The following DIAPH3 variants were observed in gnomAD, a reference collection of about 807,000 sequenced individuals.
DIAPH3 encodes diaphanous related formin 3.
A neutral mutation model predicts 144.3 loss-of-function variants in DIAPH3; 117 were observed. The observed-to-expected ratio is 0.81, with a 90% CI of 0.70 to 0.95. The LOEUF is 0.95. Among genes scored for constraint, DIAPH3 ranks in the 40% least tolerant of loss-of-function variants. The probability of loss-of-function intolerance (pLI) is 0.00; values close to 1 mark genes in which losing one functional copy is unlikely to be tolerated. For missense variants in DIAPH3, 1,421 were observed against 1,412.7 expected, an observed-to-expected ratio of 1.01 and a Z score of -0.09; for synonymous variants, 519 against 488.9, an observed-to-expected ratio of 1.06 and a Z score of -0.81.
At chr13:60,163,275 C>T (rs911828222) in intron 1 of DIAPH3, among the ~76,000 whole-genome samples, 2 of 152,254 alleles carry the variant, frequency 1.3e-5, no homozygotes, top group South Asian at 2.1e-4. Flanking sequence ...ATATCTTATA[C>T]CCTCTTACAC....
Position 59,839,447 on chromosome 13 carries a change from G to A in DIAPH3, c.2739C>T (p.Val913=). The change falls in exon 23 of 28, where the codon GTC becomes GTT. Residue 913 remains valine (V), a splice_region_variant and synonymous_variant. Coordinates refer to ENST00000400324, the MANE Select transcript of DIAPH3 (RefSeq NM_001042517.2). ...AATTCTTTTCCAGCGTTTCTACAGA[G>A]ACTAAAAGAGAGTATATTAAATGCC... is the stretch of plus-strand genomic sequence containing the variant. ...DLEPLDKASK[V]SVETLEKNLR... is the part of the protein sequence containing the mutation. 6.2e-7 allele frequency: 1 copy of A among 1,612,674 alleles called. No homozygotes were observed. Among genetic ancestry groups the A allele is most frequent in the Non-Finnish European group, 8.5e-7 (1 of 1,179,408 alleles).
At chr13:59,859,651 C>T (rs989626149) in intron 22 of DIAPH3, among the ~76,000 whole-genome samples, 1 of 152,078 alleles carries the variant, frequency 6.6e-6, no homozygotes, top group African/African-American at 2.4e-5. Flanking sequence ...GATTAATGTC[C>T]ATCAAGAATA....
At chr13:59,853,400 A>T (rs1429425226) in intron 22 of DIAPH3, among the ~76,000 whole-genome samples, 1 of 152,152 alleles carries the variant, frequency 6.6e-6, no homozygotes, top group East Asian at 1.9e-4. Flanking sequence ...GGGCACTGAT[A>T]GGAGGTGATT....
chr13:60,007,708 CT>C (rs1290522374), intron 9 of DIAPH3, among the ~76,000 whole-genome samples: 12 of 152,072 alleles, frequency 7.9e-5, no homozygotes, highest in Non-Finnish European at 1.8e-4. Flanking sequence ...ATAAAAGCCT[CT>C]TTTCCTTTTT....
At chr13:60,088,682 C>G (rs909476923) in intron 4 of DIAPH3, among the ~76,000 whole-genome samples, 1 of 152,172 alleles carries the variant, frequency 6.6e-6, no homozygotes, top group African/African-American at 2.4e-5. Flanking sequence ...ACTGCAGTGG[C>G]ATGATCTCAG....
chr13:60,082,842 G>A, intron 4 of DIAPH3, among the ~76,000 whole-genome samples: 1 of 152,062 alleles, frequency 6.6e-6, no homozygotes, highest in Non-Finnish European at 1.5e-5. Flanking sequence ...AAGGAAGAGT[G>A]TGAAATGTAA....
chr13:60,136,110 T>A (rs899512721), intron 1 of DIAPH3, among the ~76,000 whole-genome samples: 2 of 152,176 alleles, frequency 1.3e-5, no homozygotes, highest in Admixed American at 1.3e-4. Context: ...AATGACTAAC[T>A]AAATCCTCAG....
intron 20 of DIAPH3, among the ~76,000 whole-genome samples, chr13:59,898,134 C>CA (rs34238599): frequency 0.044 from 3,186 of 72,204 alleles, 174 homozygotes; most frequent in East Asian, 0.063. Flanking sequence ...GACTCTGCCT[C>CA]AAAAAAAAAA....
At chr13:59,872,711 A>T (rs1009615933) in intron 21 of DIAPH3, among the ~76,000 whole-genome samples, 1 of 152,244 alleles carries the variant, frequency 6.6e-6, no homozygotes, top group African/African-American at 2.4e-5. Context: ...AAAATATATA[A>T]AAGTGAAGTC....
chr13:59,850,979 C>A (rs369422921), intron 22 of DIAPH3, among the ~76,000 whole-genome samples: 2 of 147,668 alleles, frequency 1.4e-5, no homozygotes, highest in East Asian at 3.9e-4. Context: ...CCTTCTGAAA[C>A]TATTCCAATC....
At chr13:59,878,105 A>G (rs1381840193) in intron 21 of DIAPH3, among the ~76,000 whole-genome samples, 1 of 152,092 alleles carries the variant, frequency 6.6e-6, no homozygotes, top group African/African-American at 2.4e-5. Context: ...CACATACATT[A>G]AAGATAGAAT....
At chr13:59,743,119 T>C (rs113623864) in intron 27 of DIAPH3, among the ~76,000 whole-genome samples, 246 of 152,292 alleles carry the variant, frequency 1.6e-3, no homozygotes, top group African/African-American at 5.7e-3. Flanking sequence ...TCTAAACTAC[T>C]GGAACTTACA....
chr13:59,775,358 T>C (rs1212231728), intron 25 of DIAPH3, among the ~76,000 whole-genome samples: 2 of 152,114 alleles, frequency 1.3e-5, no homozygotes. Context: ...TCCTCCTGCC[T>C]CAGCCTCCCG....
intron 1 of DIAPH3, among the ~76,000 whole-genome samples, chr13:60,142,183 C>T (rs2059439248): frequency 6.6e-6 from 1 of 152,158 alleles, no homozygotes; most frequent in Non-Finnish European, 1.5e-5. Context: ...AAATAACCAA[C>T]TTACACAGTA....
Position 59,774,775 on chromosome 13 carries a change from G to A in DIAPH3, c.3212C>T (p.Ser1071Phe). Residue 1071 changes from serine to phenylalanine, a missense_variant, in exon 26 of 28, where the codon TCC (serine) becomes TTC (phenylalanine). By Grantham distance (155) the Ser-to-Phe change is radical (BLOSUM62 -2). Transcript: ENST00000400324. ...TCTTCTGTCGCGGAAGGCAGCCCCG[G>A]ACTGCAAGGCCTCCAGCAGATTATC... is the stretch of plus-strand genomic sequence containing the variant. ...VMDNLLEALQ[S>F]GAAFRDRRKR... 3.7e-6 allele frequency: 6 copies of A among 1,614,146 alleles called. No individual in the cohort carries two copies. The highest frequency in any genetic ancestry group is 5.1e-6 in the Non-Finnish European group (6 of 1,180,040).
chr13:59,704,659 C>T (rs2034314258), intron 27 of DIAPH3, among the ~76,000 whole-genome samples: 1 of 151,530 alleles, frequency 6.6e-6, no homozygotes, highest in African/African-American at 2.4e-5. Context: ...CAAATACTTA[C>T]CATTGTGTTA....
chr13:60,048,179 C>A (rs2056174936), intron 4 of DIAPH3, among the ~76,000 whole-genome samples: 1 of 152,270 alleles, frequency 6.6e-6, no homozygotes, highest in South Asian at 2.1e-4. Context: ...CAAAACCTCG[C>A]CTCTCCAGGC....
At chr13:60,108,782 C>T (rs1020972350) in intron 3 of DIAPH3, among the ~76,000 whole-genome samples, 6 of 152,052 alleles carry the variant, frequency 3.9e-5, no homozygotes, top group African/African-American at 1.4e-4. Flanking sequence ...ATGGATGTGA[C>T]TGATGCCTTA....
At chr13:59,892,794 C>G (rs1282223201) in intron 20 of DIAPH3, among the ~76,000 whole-genome samples, 1 of 151,704 alleles carries the variant, frequency 6.6e-6, no homozygotes, top group African/African-American at 2.4e-5. Flanking sequence ...TATGAATAAC[C>G]AGATTAAATT....
Sources: gnomAD v4.1 joint callset for allele counts (sites outside exome capture counted in the v4.1 genomes callset) on GRCh38, gnomAD v4.1.1 for gene constraint, MANE v1.5 for transcripts, NCBI Gene and HGNC (gene_info 2026-07-23, HGNC 2026-07-21) for gene names.